PCCA: variants seen among roughly 807,000 people sequenced by gnomAD.
PCCA encodes the protein propionyl-CoA carboxylase alpha chain, mitochondrial.
PCCA carries 74 observed loss-of-function variants against 101.3 expected under a neutral mutation model. The observed-to-expected ratio is 0.73, with a 90% CI of 0.61 to 0.89. PCCA has a LOEUF of 0.89. Ranked by LOEUF, PCCA falls within the 40% of genes least tolerant of loss-of-function variation. The probability of loss-of-function intolerance (pLI) is 0.00; values close to 1 mark genes in which losing one functional copy is unlikely to be tolerated. For missense variants in PCCA, 891 were observed against 907.0 expected, an observed-to-expected ratio of 0.98 and a Z score of 0.23; for synonymous variants, 294 against 313.6, an observed-to-expected ratio of 0.94 and a Z score of 0.66.
chr13:100,344,812 G>C (rs566190683), intron 18 of PCCA, among the ~76,000 whole-genome samples: 62 of 152,070 alleles, frequency 4.1e-4, no homozygotes, highest in African/African-American at 1.4e-3. Flanking sequence ...AAGTCTTTTT[G>C]TGCTGTTTTT....
At chr13:100,333,001 C>G (rs2069871792) in intron 17 of PCCA, among the ~76,000 whole-genome samples, 1 of 152,120 alleles carries the variant, frequency 6.6e-6, no homozygotes, top group African/African-American at 2.4e-5. Context: ...TGCTGGGGTT[C>G]AAATTCATAA....
chr13:100,507,680 A>G (rs568517919), intron 21 of PCCA, among the ~76,000 whole-genome samples: 55 of 152,236 alleles, frequency 3.6e-4, no homozygotes, highest in African/African-American at 1.3e-3. Context: ...TTCTTGAGAC[A>G]GAGTCTCGCA....
At chr13:100,526,875 G>A (rs2087873703) in intron 22 of PCCA, among the ~76,000 whole-genome samples, 1 of 152,252 alleles carries the variant, frequency 6.6e-6, no homozygotes, top group Non-Finnish European at 1.5e-5. Context: ...AGTTCTGAAC[G>A]CAGTCTGAGC....
At chr13:100,150,786 C>A (rs1180665703) in intron 4 of PCCA, 30 of 1,587,052 alleles carry the variant, frequency 1.9e-5, no homozygotes, top group Non-Finnish European at 1.5e-5. Flanking sequence ...CCAGCTTGCT[C>A]CTCTGCAACG....
intron 12 of PCCA, among the ~76,000 whole-genome samples, chr13:100,290,820 A>T (rs947085370): frequency 6.6e-6 from 1 of 152,156 alleles, no homozygotes; most frequent in African/African-American, 2.4e-5. Flanking sequence ...TTGATCTTCC[A>T]GGTTACTAAT....
At chr13:100,136,296 C>T (rs1005662467) in intron 4 of PCCA, among the ~76,000 whole-genome samples, 1 of 150,700 alleles carries the variant, frequency 6.6e-6, no homozygotes, top group African/African-American at 2.4e-5. Context: ...AGTGATTCTC[C>T]TGCCTCAGCA....
At chr13:100,410,496 C>T (rs2077977672) in intron 19 of PCCA, among the ~76,000 whole-genome samples, 2 of 152,172 alleles carry the variant, frequency 1.3e-5, no homozygotes, top group African/African-American at 4.8e-5. Flanking sequence ...CTGCCTTGGC[C>T]TCCCAAAGTG....
intron 4 of PCCA, among the ~76,000 whole-genome samples, chr13:100,122,049 A>AT (rs779946265): frequency 2.6e-5 from 4 of 152,104 alleles, no homozygotes; most frequent in African/African-American, 7.2e-5. Flanking sequence ...TTACTGAGGG[A>AT]TTTTTATCAA....
intron 19 of PCCA, among the ~76,000 whole-genome samples, chr13:100,405,498 T>A (rs1170563221): frequency 6.6e-6 from 1 of 152,188 alleles, no homozygotes. Context: ...CAAAAAAAAA[T>A]TATGATAGGA....
At chr13:100,243,583 G>A (rs1218185148) in intron 8 of PCCA, among the ~76,000 whole-genome samples, 1 of 152,130 alleles carries the variant, frequency 6.6e-6, no homozygotes, top group Non-Finnish European at 1.5e-5. Flanking sequence ...ATTCTTGTAG[G>A]CTGTCCTTGT....
chr13:100,161,335 C>G (rs1432805163), intron 6 of PCCA: 1 of 152,168 alleles, frequency 6.6e-6, no homozygotes, highest in African/African-American at 2.4e-5. Flanking sequence ...TTTAATTTAA[C>G]AGTTCCACCC....
At chr13:100,305,035 C>G (rs901669195) in intron 14 of PCCA, among the ~76,000 whole-genome samples, 2 of 152,008 alleles carry the variant, frequency 1.3e-5, no homozygotes, top group Admixed American at 1.3e-4. Context: ...TTTGTATAGC[C>G]TTTCATTGAA....
chr13:100,345,330 A>G (rs2072017813), intron 18 of PCCA, among the ~76,000 whole-genome samples: 1 of 152,248 alleles, frequency 6.6e-6, no homozygotes, highest in Non-Finnish European at 1.5e-5. Context: ...ACAAATGATA[A>G]GAAAGTGAAA....
intron 20 of PCCA, among the ~76,000 whole-genome samples, chr13:100,448,796 T>A (rs1174965506): frequency 6.6e-6 from 1 of 152,224 alleles, no homozygotes; most frequent in Non-Finnish European, 1.5e-5. Context: ...TATTGAGATA[T>A]AATTCACACA....
At chr13:100,417,381 T>C (rs1439077096) in intron 19 of PCCA, among the ~76,000 whole-genome samples, 1 of 152,230 alleles carries the variant, frequency 6.6e-6, no homozygotes, top group Non-Finnish European at 1.5e-5. Flanking sequence ...CCGTGCTCCA[T>C]GTCTTTTTTG....
At chr13:100,183,615 A>C (rs2056992803) in intron 6 of PCCA, among the ~76,000 whole-genome samples, 1 of 152,128 alleles carries the variant, frequency 6.6e-6, no homozygotes, top group South Asian at 2.1e-4. Flanking sequence ...GGTAGTGTTT[A>C]GGCAGGGGAG....
chr13:100,235,973 T>C, intron 8 of PCCA, 95 bp downstream of exon 8: 2 of 818,784 alleles, frequency 2.4e-6, no homozygotes, highest in Admixed American at 3.5e-5. Flanking sequence ...GAGCAAATAA[T>C]ACTTTAATAG....
chr13:100,310,736 TAC>T (rs2066846059), intron 16 of PCCA, among the ~76,000 whole-genome samples: 1 of 152,214 alleles, frequency 6.6e-6, no homozygotes, highest in South Asian at 2.1e-4. Flanking sequence ...CACCAGTTAC[TAC>T]AGTTTTTAAG....
At chr13:100,257,817 T>C in intron 9 of PCCA, 144 bp downstream of exon 9, 1 of 680,156 alleles carries the variant, frequency 1.5e-6, no homozygotes, top group Non-Finnish European at 2.7e-6. Flanking sequence ...GGAAAAAGAT[T>C]GAAATTATGT....
Sources: allele counts gnomAD v4.1 joint callset (sites outside exome capture counted in the v4.1 genomes callset), GRCh38; gene constraint gnomAD v4.1.1; transcripts MANE v1.5; gene names NCBI Gene and HGNC (gene_info 2026-07-23, HGNC 2026-07-21).